The following CDK19 variants were observed in gnomAD, a reference collection of about 807,000 sequenced individuals.
The protein encoded by CDK19 is cyclin-dependent kinase 19.
In CDK19, 20 loss-of-function variants were observed where a neutral mutation model predicts 68.3. The observed-to-expected ratio is 0.29, with a 90% CI of 0.21 to 0.43. CDK19 has a LOEUF of 0.43. CDK19 is among the 20% of genes least tolerant of loss of function. The pLI, the probability that CDK19 is intolerant of heterozygous loss-of-function variation, is 1.00. For missense variants in CDK19, 339 were observed against 623.5 expected, an observed-to-expected ratio of 0.54 and a Z score of 4.86; for synonymous variants, 221 against 222.8, an observed-to-expected ratio of 0.99 and a Z score of 0.07.
intron 1 of CDK19, among the ~76,000 whole-genome samples, chr6:110,755,514 G>A (rs1429184759): frequency 1.3e-5 from 2 of 152,168 alleles, no homozygotes; most frequent in African/African-American, 4.8e-5. Context: ...GAACATTTGA[G>A]TGGGTCCCGA....
chr6:110,755,947 C>T (rs540885240), intron 1 of CDK19, among the ~76,000 whole-genome samples: 1 of 152,124 alleles, frequency 6.6e-6, no homozygotes, highest in East Asian at 1.9e-4. Flanking sequence ...ACTCAAGAGG[C>T]ATTTCAGAGA....
chr6:110,699,351 G>A (rs1773788264), intron 2 of CDK19, among the ~76,000 whole-genome samples: 1 of 151,780 alleles, frequency 6.6e-6, no homozygotes, highest in South Asian at 2.1e-4. Flanking sequence ...CTTGAACACA[G>A]GAGGCGGAGG....
chr6:110,660,822 G>A (rs1452423580), intron 4 of CDK19, among the ~76,000 whole-genome samples: 1 of 152,176 alleles, frequency 6.6e-6, no homozygotes, highest in Non-Finnish European at 1.5e-5. Context: ...GGCAAGTCAT[G>A]GGTGGTTTTG....
chr6:110,729,757 T>C (rs913084603), intron 2 of CDK19, among the ~76,000 whole-genome samples: 17 of 151,894 alleles, frequency 1.1e-4, no homozygotes, highest in Non-Finnish European at 2.9e-5. Context: ...TTTTTGAGAC[T>C]AGGTCTTGCT....
chr6:110,681,569 T>G (rs562351005), intron 2 of CDK19, among the ~76,000 whole-genome samples: 30 of 152,286 alleles, frequency 2.0e-4, no homozygotes, highest in African/African-American at 6.5e-4. Flanking sequence ...CTCAGCTTCT[T>G]TTTACATGGT....
At chr6:110,632,657 G>A (rs1779513286) in intron 5 of CDK19, among the ~76,000 whole-genome samples, 1 of 151,846 alleles carries the variant, frequency 6.6e-6, no homozygotes, top group Non-Finnish European at 1.5e-5. Context: ...CTTGAACCAG[G>A]GAGGCGGAGG....
intron 2 of CDK19, among the ~76,000 whole-genome samples, chr6:110,708,632 C>A (rs533014275): frequency 1.3e-5 from 2 of 152,296 alleles, no homozygotes; most frequent in Admixed American, 1.3e-4. Context: ...TGTGTAACTT[C>A]CCTCTACTCT....
chr6:110,784,011 T>G (rs1403971440), intron 1 of CDK19, among the ~76,000 whole-genome samples: 1 of 151,704 alleles, frequency 6.6e-6, no homozygotes, highest in Non-Finnish European at 1.5e-5. Flanking sequence ...AATACAAAAA[T>G]TAGCCGGCAT....
At chr6:110,780,676 A>G (rs1403396839) in intron 1 of CDK19, among the ~76,000 whole-genome samples, 1 of 152,102 alleles carries the variant, frequency 6.6e-6, no homozygotes, top group Non-Finnish European at 1.5e-5. Flanking sequence ...TACAACAAAT[A>G]TTTATTGAGG....
intron 4 of CDK19, among the ~76,000 whole-genome samples, chr6:110,659,730 A>G (rs1781504780): frequency 6.6e-6 from 1 of 152,166 alleles, no homozygotes; most frequent in African/African-American, 2.4e-5. Flanking sequence ...GGGGAAGAAG[A>G]GAAGGGGAGA....
intron 2 of CDK19, among the ~76,000 whole-genome samples, chr6:110,676,738 T>C (rs1771569361): frequency 6.6e-6 from 1 of 152,250 alleles, no homozygotes; most frequent in Admixed American, 6.5e-5. Context: ...TACATAATGC[T>C]ACTGGACACT....
Position 110,611,083 on chromosome 6 carries a change from T to C in CDK19, c.*3452A>G, listed in dbSNP as rs1028310302. 6.6e-6 allele frequency: 1 copy of C among 152,204 alleles called. No individual in the cohort carries two copies. The highest frequency in any genetic ancestry group is 1.5e-5 in the Non-Finnish European group (1 of 68,036). The allele number at this position is 152,204 out of a possible 1,614,324, so 9.4% of individuals were successfully genotyped here. On this transcript the variant is annotated 3_prime_UTR_variant, in exon 13 of 13. Coordinates refer to ENST00000368911, the MANE Select transcript of CDK19 (RefSeq NM_015076.5). ...TAAAAATATACATAATCCTTGGTCT[T>C]TGTATGTCACTGCATGATCTACTTC...
chr6:110,729,495 C>G (rs1776588280), intron 2 of CDK19, among the ~76,000 whole-genome samples: 2 of 152,148 alleles, frequency 1.3e-5, no homozygotes, highest in Non-Finnish European at 2.9e-5. Context: ...GTGGCACAAT[C>G]TCAGTTCAGT....
chr6:110,699,419 C>A (rs1314274280), intron 2 of CDK19, among the ~76,000 whole-genome samples: 2 of 127,776 alleles, frequency 1.6e-5, no homozygotes, highest in African/African-American at 2.8e-5. Context: ...AGTAAGACTT[C>A]GTCTCAAAAA....
At chr6:110,801,128 A>G (rs1379587448) in intron 1 of CDK19, among the ~76,000 whole-genome samples, 1 of 152,178 alleles carries the variant, frequency 6.6e-6, no homozygotes, top group Non-Finnish European at 1.5e-5. Context: ...ACATATAAAA[A>G]TCAATCGCAT....
intron 12 of CDK19, among the ~76,000 whole-genome samples, chr6:110,620,596 A>G (rs1272629225): frequency 2.0e-5 from 3 of 152,208 alleles, no homozygotes; most frequent in Non-Finnish European, 2.9e-5. Context: ...TTATCTGAAT[A>G]ACAAAAAGTA....
chr6:110,693,729 T>C (rs1582879617), intron 2 of CDK19, among the ~76,000 whole-genome samples: 1 of 152,030 alleles, frequency 6.6e-6, no homozygotes, highest in Non-Finnish European at 1.5e-5. Flanking sequence ...CCATCCCCCA[T>C]ACTGGCCACA....
intron 1 of CDK19, among the ~76,000 whole-genome samples, chr6:110,794,039 G>GT (rs1224705996): frequency 6.6e-6 from 1 of 151,982 alleles, no homozygotes; most frequent in Admixed American, 6.6e-5. Flanking sequence ...GTTCTTCCCA[G>GT]TTTTTTTGTT....
intron 4 of CDK19, among the ~76,000 whole-genome samples, chr6:110,650,720 G>A (rs1780906819): frequency 6.6e-6 from 1 of 152,098 alleles, no homozygotes; most frequent in Admixed American, 6.6e-5. Context: ...AGCAAAACGG[G>A]GGATATCTGG....
Sources: allele counts gnomAD v4.1 joint callset (sites outside exome capture counted in the v4.1 genomes callset), GRCh38; gene constraint gnomAD v4.1.1; transcripts MANE v1.5; gene names NCBI Gene and HGNC (gene_info 2026-07-23, HGNC 2026-07-21).